The following SLC26A9 variants were observed in gnomAD, a reference collection of about 807,000 sequenced individuals.
SLC26A9 encodes anion transporter/exchanger protein 9.
A neutral mutation model predicts 87.1 loss-of-function variants in SLC26A9; 46 were observed. The ratio of observed to expected loss-of-function variants is 0.53; its 90% CI spans 0.42 to 0.67. The LOEUF is 0.67. Ranked by LOEUF, SLC26A9 falls within the 30% of genes least tolerant of loss-of-function variation. The probability of loss-of-function intolerance (pLI) is 0.00; values close to 1 mark genes in which losing one functional copy is unlikely to be tolerated. For synonymous variants in SLC26A9, 437 were observed against 409.1 expected, an observed-to-expected ratio of 1.07 and a Z score of -0.82; for missense variants, 927 against 1,018.3, an observed-to-expected ratio of 0.91 and a Z score of 1.22.
At chr1:205,923,015 G>A in intron 16 of SLC26A9, 67 bp downstream of exon 16, 2 of 1,475,198 alleles carry the variant, frequency 1.4e-6, no homozygotes, top group Non-Finnish European at 9.5e-7. Flanking sequence ...GGTACCATGA[G>A]TAACAGGGGG....
rs766101106 is a variant in SLC26A9, at chr1:205,923,369, T to C, written c.1625A>G (p.Asn542Ser). The change falls in exon 15 of 21, where the codon AAC becomes AGC. Residue 542 changes from asparagine to serine, a missense_variant. Physicochemically the swap from Asn to Ser is conservative, Grantham distance 46 (BLOSUM62 1). Transcript: ENST00000367135. ...GACCTTTTGCCTGAAGATCTCTGAG[T>C]TGGCAAAGTAGAGAGGGGAGCAGTA... ...ITYCSPLYFA[N>S]SEIFRQKVIA... 3.1e-6 allele frequency: 5 copies of C among 1,614,060 alleles called. No homozygotes were observed. Among genetic ancestry groups the C allele is most frequent in the East Asian group, 2.2e-5 (1 of 44,898 alleles).
At position 205,920,184 on chromosome 1, in the gene SLC26A9, T is replaced by C. The variant is rs1658767657; in HGVS notation, c.2102A>G (p.Asn701Ser). 6.2e-7 allele frequency: 1 copy of C among 1,613,980 alleles called. No homozygotes were observed. Residue 701 changes from asparagine to serine, a missense_variant, in exon 18 of 21, where the codon AAC (asparagine) becomes AGC (serine). By Grantham distance (46) the Asn-to-Ser change is conservative (BLOSUM62 1). Transcript: ENST00000367135. The part of the protein sequence containing the change: ...GKIGVKVFLV[N>S]IHAQVYNDIS... ...TGTCCTCTTTCTCTTACCATGGATG[T>C]TCACCAAGAAGACCTTCACGCCGAT...
Position 205,933,057 on chromosome 1 carries a change from C to A in SLC26A9, c.153G>T (p.Val51=), listed in dbSNP as rs2102596527. The change falls in exon 3 of 21, where the codon GTG becomes GTT. Residue 51 remains valine (V), a synonymous_variant. Coordinates refer to ENST00000367135, the MANE Select transcript of SLC26A9 (RefSeq NM_052934.4). The part of the protein sequence containing the change: ...FRCSSAKIKA[V]VFGLLPVLSW... Reference sequence around the variant, plus strand: ...AGAGCACAGGCAGCAGCCCAAACACCACAGCTTTGATCTTGGCTGAGGAAC... The same window carrying A: ...AGAGCACAGGCAGCAGCCCAAACACAACAGCTTTGATCTTGGCTGAGGAAC... The A allele has an allele frequency of 6.2e-7, 1 of 1,614,158 alleles. No homozygotes were observed. The highest frequency in any genetic ancestry group is 8.5e-7 in the Non-Finnish European group (1 of 1,180,042).
chr1:205,923,121 C>T lies in SLC26A9; in HGVS notation c.1734G>A (p.Arg578=), dbSNP rs1421671262. ...ATAGAGACCTCCTCTGTTGTGTGGGCCTCATTCTCCGCTTCTCCTGCTTCT... is the reference window on the plus strand; with the variant it reads ...ATAGAGACCTCCTCTGTTGTGTGGGTCTCATTCTCCGCTTCTCCTGCTTCT... ...YLKKQEKRRM[R]PTQQRRSLFM... is the part of the protein sequence containing the mutation. Residue 578 remains arginine, a synonymous_variant, in exon 16 of 21, where the codon AGG becomes AGA. Coordinates refer to ENST00000367135, the MANE Select transcript of SLC26A9 (RefSeq NM_052934.4). 6.2e-7 allele frequency: 1 copy of T among 1,614,136 alleles called. No homozygotes were observed. The highest frequency in any genetic ancestry group is 2.2e-5 in the East Asian group (1 of 44,880).
Position 205,923,207 on chromosome 1 carries a change from G to C in SLC26A9, c.1660-12C>G. On this transcript the variant is annotated splice_polypyrimidine_tract_variant and intron_variant, in intron 15 of 20. Coordinates refer to ENST00000367135, the MANE Select transcript of SLC26A9 (RefSeq NM_052934.4). ...GGGTCCATGCCTGTCTGCAGGGAGA[G>C]AGCCAACAGCAATCTTGACCTCCAC... 6.2e-7 allele frequency: 1 copy of C among 1,613,782 alleles called. No homozygotes were observed. The highest frequency in any genetic ancestry group is 8.5e-7 in the Non-Finnish European group (1 of 1,179,690).
intron 1 of SLC26A9, among the ~76,000 whole-genome samples, chr1:205,936,967 G>A (rs1659532601): frequency 6.6e-6 from 1 of 152,206 alleles, no homozygotes; most frequent in Admixed American, 6.5e-5. Flanking sequence ...AGAATGGTCA[G>A]CATTACTTTT....
At chr1:205,933,405 T>C (rs979655957) in intron 2 of SLC26A9, among the ~76,000 whole-genome samples, 2 of 152,164 alleles carry the variant, frequency 1.3e-5, no homozygotes, top group Non-Finnish European at 2.9e-5. Flanking sequence ...GGCTTTTCTC[T>C]GGGAAAGTCT....
rs745706764 is a variant in SLC26A9 at position 205,929,200 on chromosome 1, T to G, written c.870+4A>C. On this transcript the variant is annotated splice_donor_region_variant and intron_variant, in intron 7 of 20. Coordinates refer to ENST00000367135, the MANE Select transcript of SLC26A9 (RefSeq NM_052934.4). ...AACATCCCAGCTCTGAACAAGGTCC[T>G]TACCACAATCATCTCTGTAGGGATG... 6.2e-7 allele frequency: 1 copy of G among 1,613,018 alleles called. No homozygotes were observed. The highest frequency in any genetic ancestry group is 1.3e-5 in the African/African-American group (1 of 74,894).
intron 12 of SLC26A9, 143 bp from the exon 13 acceptor site, chr1:205,924,632 G>C: frequency 1.5e-6 from 1 of 648,930 alleles, no homozygotes; most frequent in Non-Finnish European, 2.6e-6. Flanking sequence ...AGCATTTTTT[G>C]CAATATTTTA....
chr1:205,915,472 T>G (rs1658551196), intron 20 of SLC26A9, 68 bp from the exon 21 acceptor site: 4 of 1,608,246 alleles, frequency 2.5e-6, no homozygotes, highest in Admixed American at 3.3e-5. Context: ...TCACAGTGGC[T>G]GCAACCAAGA....
intron 1 of SLC26A9, among the ~76,000 whole-genome samples, chr1:205,941,508 G>C (rs762391778): frequency 2.6e-5 from 4 of 151,976 alleles, no homozygotes; most frequent in Admixed American, 6.6e-5. Context: ...TCCTTCTACT[G>C]TCCCTGTGTT....
chr1:205,915,547 T>TGC (rs1553268037), intron 20 of SLC26A9, 143 bp from the exon 21 acceptor site: 140 of 923,276 alleles, frequency 1.5e-4, no homozygotes, highest in South Asian at 6.6e-4. Context: ...TGTGTGTGTG[T>TGC]GCGAGAGTGT....
In SLC26A9 at chr1:205,923,604, G is replaced by A. The variant is rs748278969; in HGVS notation, c.1506C>T (p.Gly502=). The A allele has an allele frequency of 6.2e-7, 1 of 1,614,216 alleles. No homozygotes were observed. The highest frequency in any genetic ancestry group is 1.7e-5 in the Admixed American group (1 of 60,038). The change falls in exon 14 of 21, where the codon GGC becomes GGT. Residue 502 remains glycine (G), a synonymous_variant. Transcript: ENST00000367135. Reference sequence around the variant, plus strand: ...TGTCCATGACCTGGGCCAGTGCATAGCCATTTCGACTGGATGAAGCAGGAA... The same window carrying A: ...TGTCCATGACCTGGGCCAGTGCATAACCATTTCGACTGGATGAAGCAGGAA... The part of the protein sequence containing the change: ...VVVFQTQFRN[G]YALAQVMDTD...
At position 205,923,449 on chromosome 1, in the gene SLC26A9, C is replaced by G. The variant is rs1463886501; in HGVS notation, c.1567-22G>C. ...GGGCCTGTGACAGGGAGACTGAGCT[C>G]AAGTTGCAGAAATGTCTTTATTGGC... On this transcript the variant is annotated intron_variant, in intron 14 of 20. Coordinates refer to ENST00000367135, the MANE Select transcript of SLC26A9 (RefSeq NM_052934.4). The G allele has an allele frequency of 4.3e-6, 7 of 1,613,930 alleles. No individual in the cohort carries two copies. In the African/African-American group the frequency reaches 9.3e-5, roughly 22 times the overall value.
rs143749489 is a variant in SLC26A9 at position 205,939,308 on chromosome 1, T to C, written c.-18-3470A>G. Among the ~76,000 whole-genome samples, 3 of 152,268 alleles carry C rather than the reference T, an allele frequency of 2.0e-5. No homozygotes were observed. The East Asian group carries it at 5.8e-4, about 29-fold the overall frequency. Reference sequence around the variant, plus strand: ...AGGGACAAAGCTGATCTCAGGACAATGTTTTCCCCTGAGTGGCACTCAGAA... The same window carrying C: ...AGGGACAAAGCTGATCTCAGGACAACGTTTTCCCCTGAGTGGCACTCAGAA... On this transcript the variant is annotated intron_variant, in intron 1 of 20. Transcript: ENST00000367135.
chr1:205,921,853 AGGGTGGG>A lies in SLC26A9; in HGVS notation c.1774-13_1774-7del. On this transcript the variant is annotated splice_region_variant and splice_polypyrimidine_tract_variant and intron_variant, in intron 16 of 20. Coordinates refer to ENST00000367135, the MANE Select transcript of SLC26A9 (RefSeq NM_052934.4). ...AGCTCCTGCAGGGAGACAGTCTGGAAGGGTGGGGACAGTGGGCAGAGTCAGGGACCAC... is the reference window on the plus strand; with the variant it reads ...AGCTCCTGCAGGGAGACAGTCTGGAAGACAGTGGGCAGAGTCAGGGACCAC... The A allele has an allele frequency of 6.2e-7, 1 of 1,602,664 alleles. No homozygotes were observed. Among genetic ancestry groups the A allele is most frequent in the Non-Finnish European group, 8.5e-7 (1 of 1,176,296 alleles).
chr1:205,928,507 C>T (rs1659173422), intron 8 of SLC26A9: 1 of 452,614 alleles, frequency 2.2e-6, no homozygotes, highest in Non-Finnish European at 4.0e-6. Flanking sequence ...TCCCTTTCTA[C>T]ATGGACAAAG....
At chr1:205,927,427 C>G (rs900301602) in intron 10 of SLC26A9, 65 bp downstream of exon 10, 1 of 1,572,502 alleles carries the variant, frequency 6.4e-7, no homozygotes, top group Non-Finnish European at 8.7e-7. Flanking sequence ...CTTGCAGTGC[C>G]CAGGCTTTTT....
chr1:205,920,065 A>T, intron 18 of SLC26A9, 111 bp downstream of exon 18: 1 of 1,207,480 alleles, frequency 8.3e-7, no homozygotes, highest in African/African-American at 1.5e-5. Context: ...CTTGTGGGGG[A>T]TAGCTGGGTG....
Sources: allele counts gnomAD v4.1 joint callset (sites outside exome capture counted in the v4.1 genomes callset), GRCh38; gene constraint gnomAD v4.1.1; transcripts MANE v1.5; gene names NCBI Gene and HGNC (gene_info 2026-07-23, HGNC 2026-07-21).